Variants in NKX2-8 observed in about 807,000 individuals in gnomAD.
The protein encoded by NKX2-8 is homeobox protein Nkx-2.8.
In NKX2-8, 8 loss-of-function variants were observed where a neutral mutation model predicts 6.4. The ratio of observed to expected loss-of-function variants is 1.24; its 90% CI spans 0.73 to 2.24. NKX2-8 has a LOEUF of 2.24. Ranked by LOEUF, NKX2-8 falls within the 30% of genes most tolerant of loss-of-function variation. NKX2-8 has a pLI of 0.00. For synonymous variants in NKX2-8, 216 were observed against 171.5 expected, an observed-to-expected ratio of 1.26 and a Z score of -2.03; for missense variants, 406 against 351.1, an observed-to-expected ratio of 1.16 and a Z score of -1.25.
chr14:36,581,009 C>A lies in NKX2-8; in HGVS notation c.613G>T (p.Ala205Ser). ...GCAGGGTAGCCCGGCAGAGGGCAGG[C>A]GGCGGCTGGAGGGGCGCCGCACTTC... ...QEKCGAPPAA[A>S]CPLPGYPAFG... Residue 205 changes from alanine to serine, a missense_variant, in exon 2 of 2, where the codon GCC (alanine) becomes TCC (serine). Physicochemically the swap from Ala to Ser is moderately conservative, Grantham distance 99. Transcript: ENST00000258829. This position sits in a 1 kb window ranked among gnomAD's most constrained non-coding sequence, Gnocchi z 5.6. 7.4e-7 allele frequency: 1 copy of A among 1,347,864 alleles called. No homozygotes were observed. Among genetic ancestry groups the A allele is most frequent in the East Asian group, 2.9e-5 (1 of 34,112 alleles). 83.5% of individuals were successfully genotyped at this position (1,347,864 alleles called of 1,614,324 possible). A position where few individuals can be genotyped will look rare whatever the true frequency, so the allele number is the denominator to read the frequency against.
chr14:36,581,405 T>C lies in NKX2-8; in HGVS notation c.217A>G (p.Arg73Gly). 1.9e-6 allele frequency: 3 copies of C among 1,595,236 alleles called. No individual in the cohort carries two copies. Among genetic ancestry groups the C allele is most frequent in the Non-Finnish European group, 2.6e-6 (3 of 1,171,818 alleles). ...PPDSSQRPSA[R>G]PASPGSDAEK... ...GCGTCCGAGCCCGGAGACGCGGGCCTAGCGGACGGCCGCTGCGACGAGTCT... is the reference window on the plus strand; with the variant it reads ...GCGTCCGAGCCCGGAGACGCGGGCCCAGCGGACGGCCGCTGCGACGAGTCT... Residue 73 changes from arginine to glycine, a missense_variant, in exon 2 of 2, where the codon AGG (arginine) becomes GGG (glycine). Arg to Gly is a moderately radical substitution (Grantham distance 125). Coordinates refer to ENST00000258829, the MANE Select transcript of NKX2-8 (RefSeq NM_014360.4). This position sits in a 1 kb window ranked among gnomAD's most constrained non-coding sequence, Gnocchi z 5.6.
At position 36,581,583 on chromosome 14, in the gene NKX2-8, T is replaced by C; in HGVS notation, c.158-119A>G. 5.8e-6 allele frequency: 5 copies of C among 857,810 alleles called. No homozygotes were observed. The highest frequency in any genetic ancestry group is 8.8e-6 in the Non-Finnish European group (5 of 565,402). The allele number at this position is 857,810 out of a possible 1,614,324, so 53.1% of individuals were successfully genotyped here. On this transcript the variant is annotated intron_variant, in intron 1 of 1. Coordinates refer to ENST00000258829, the MANE Select transcript of NKX2-8 (RefSeq NM_014360.4). This position sits in a 1 kb window ranked among gnomAD's most constrained non-coding sequence, Gnocchi z 5.6. Reference sequence around the variant, plus strand: ...GGGCACGCCCACTAGCCCGAGACTTTCGGGATGAGGCCATTTCCTGAGTCC... The same window carrying C: ...GGGCACGCCCACTAGCCCGAGACTTCCGGGATGAGGCCATTTCCTGAGTCC...
Position 36,581,010 on chromosome 14 carries a change from G to A in NKX2-8, c.612C>T (p.Ala204=), listed in dbSNP as rs755985356. 2 of 1,346,824 alleles carry A rather than the reference G, an allele frequency of 1.5e-6. No homozygotes were observed. Among genetic ancestry groups the A allele is most frequent in the Non-Finnish European group, 1.9e-6 (2 of 1,057,846 alleles). 83.4% of individuals were successfully genotyped at this position (1,346,824 alleles called of 1,614,324 possible). ...AQEKCGAPPA[A]ACPLPGYPAF... The stretch of plus-strand genomic sequence containing the variant: ...CAGGGTAGCCCGGCAGAGGGCAGGC[G>A]GCGGCTGGAGGGGCGCCGCACTTCT... The change falls in exon 2 of 2, where the codon GCC becomes GCT. Residue 204 remains alanine (A), a synonymous_variant. Coordinates refer to ENST00000258829, the MANE Select transcript of NKX2-8 (RefSeq NM_014360.4). This position sits in a 1 kb window ranked among gnomAD's most constrained non-coding sequence, Gnocchi z 5.6.
In NKX2-8 at chr14:36,580,958, G is replaced by A; in HGVS notation, c.664C>T (p.Leu222Phe). ...PAFGPGSALG[L>F]FPAYQHLASP... is the part of the protein sequence containing the mutation. ...GCTAAGTGCTGGTAGGCGGGGAAGAGGCCAAGCGCCGAGCCGGGACCGAAG... is the reference window on the plus strand; with the variant it reads ...GCTAAGTGCTGGTAGGCGGGGAAGAAGCCAAGCGCCGAGCCGGGACCGAAG... Residue 222 changes from leucine (L) to phenylalanine (F), a missense_variant, in exon 2 of 2, where the codon CTC becomes TTC. Leu to Phe is a conservative substitution (Grantham distance 22). Coordinates refer to ENST00000258829, the MANE Select transcript of NKX2-8 (RefSeq NM_014360.4). 2 of 1,348,674 alleles carry A rather than the reference G, an allele frequency of 1.5e-6. No individual in the cohort carries two copies. The highest frequency in any genetic ancestry group is 1.9e-6 in the Non-Finnish European group (2 of 1,059,632). 83.5% of individuals were successfully genotyped at this position (1,348,674 alleles called of 1,614,324 possible). A position where few individuals can be genotyped will look rare whatever the true frequency, so the allele number is the denominator to read the frequency against.
chr14:36,581,539 C>A lies in NKX2-8; in HGVS notation c.158-75G>T. The stretch of plus-strand genomic sequence containing the variant: ...GGGCCTGCTGCCCTTCTGGCGCGGG[C>A]GTGGAGGCACTGGCCAGAGGGCACG... On this transcript the variant is annotated intron_variant, in intron 1 of 1. Transcript: ENST00000258829. The surrounding 1 kb of genome is among the most constrained non-coding windows in gnomAD (Gnocchi z 5.6). The A allele has an allele frequency of 7.4e-7, 1 of 1,353,736 alleles. No individual in the cohort carries two copies. Among genetic ancestry groups the A allele is most frequent in the Non-Finnish European group, 9.9e-7 (1 of 1,011,270 alleles). 83.9% of individuals were successfully genotyped at this position (1,353,736 alleles called of 1,614,324 possible). A position where few individuals can be genotyped will look rare whatever the true frequency, so the allele number is the denominator to read the frequency against.
Position 36,582,278 on chromosome 14 carries a change from C to A in NKX2-8, c.112G>T (p.Asp38Tyr). ...GAATCCAGCCAGGCGGCGCAGGGGT[C>A]GGGCTGGGGGGCGCGTGGTTCTGGC... ...REPEPRAPQP[D>Y]PCAAWLDSER... The change falls in exon 1 of 2, where the codon GAC becomes TAC. Residue 38 changes from aspartate (D) to tyrosine (Y), a missense_variant. Coordinates refer to ENST00000258829, the MANE Select transcript of NKX2-8 (RefSeq NM_014360.4). 6.2e-7 allele frequency: 1 copy of A among 1,608,454 alleles called. No homozygotes were observed. The highest frequency in any genetic ancestry group is 1.1e-5 in the South Asian group (1 of 90,486).
rs2139054088 is a variant in NKX2-8 at position 36,580,958 on chromosome 14, G to C, written c.664C>G (p.Leu222Val). 1 of 1,348,674 alleles carries C rather than the reference G, an allele frequency of 7.4e-7. No individual in the cohort carries two copies. The highest frequency in any genetic ancestry group is 2.2e-5 in the South Asian group (1 of 44,806). The allele number at this position is 1,348,674 out of a possible 1,614,324, so 83.5% of individuals were successfully genotyped here. A position where few individuals can be genotyped will look rare whatever the true frequency, so the allele number is the denominator to read the frequency against. ...PAFGPGSALG[L>V]FPAYQHLASP... ...GCTAAGTGCTGGTAGGCGGGGAAGA[G>C]GCCAAGCGCCGAGCCGGGACCGAAG... Residue 222 changes from leucine (L) to valine (V), a missense_variant, in exon 2 of 2, where the codon CTC (leucine) becomes GTC (valine). Coordinates refer to ENST00000258829, the MANE Select transcript of NKX2-8 (RefSeq NM_014360.4).
intron 1 of NKX2-8, 134 bp downstream of exon 1, chr14:36,582,099 C>T (rs998121675): frequency 1.0e-6 from 1 of 989,948 alleles, no homozygotes; most frequent in Non-Finnish European, 1.4e-6. Flanking sequence ...ACAGGGCTCC[C>T]GTTTCCAAGA....
At chr14:36,582,087 G>T in intron 1 of NKX2-8, 146 bp downstream of exon 1, 1 of 859,214 alleles carries the variant, frequency 1.2e-6, no homozygotes, top group Non-Finnish European at 1.7e-6. Flanking sequence ...AGGGGTTCGA[G>T]GACAGGGCTC....
rs1879279513 is a variant in NKX2-8 at position 36,582,459 on chromosome 14, A to G, written c.-70T>C. 1 of 1,401,404 alleles carries G rather than the reference A, an allele frequency of 7.1e-7. No individual in the cohort carries two copies. The highest frequency in any genetic ancestry group is 9.5e-7 in the Non-Finnish European group (1 of 1,057,300). 86.8% of individuals were successfully genotyped at this position (1,401,404 alleles called of 1,614,324 possible). On this transcript the variant is annotated 5_prime_UTR_variant, in exon 1 of 2. An upstream open reading frame in the 5' UTR loses its in-frame stop. Transcript: ENST00000258829. ...GAGGGGCGGCCGGGACGCCGCTCCT[A>G]CGGATGGGCGTGGGAGGCGCTCGCC...
At position 36,581,136 on chromosome 14, in the gene NKX2-8, C is replaced by T; in HGVS notation, c.486G>A (p.Ala162=). Residue 162 remains alanine, a synonymous_variant, in exon 2 of 2, where the codon GCG becomes GCA. Transcript: ENST00000258829. The surrounding 1 kb of genome is among the most constrained non-coding windows in gnomAD (Gnocchi z 5.6). ...DLAASAELHA[A]PGLLRRVVVP... Reference sequence around the variant, plus strand: ...CCACCACGCGACGCAGCAGGCCGGGCGCGGCGTGCAGCTCGGCGGATGCTG... The same window carrying T: ...CCACCACGCGACGCAGCAGGCCGGGTGCGGCGTGCAGCTCGGCGGATGCTG... The T allele has an allele frequency of 6.5e-7, 1 of 1,531,608 alleles. No individual in the cohort carries two copies. Among genetic ancestry groups the T allele is most frequent in the Middle Eastern group, 1.7e-4 (1 of 5,720 alleles). The allele number at this position is 1,531,608 out of a possible 1,614,324, so 94.9% of individuals were successfully genotyped here.
In NKX2-8 at chr14:36,581,019, A is replaced by G. The variant is rs1042519285; in HGVS notation, c.603T>C (p.Pro201=). The G allele has an allele frequency of 4.5e-6, 6 of 1,344,594 alleles. No individual in the cohort carries two copies. The highest frequency in any genetic ancestry group is 2.0e-5 in the South Asian group (1 of 49,776). 83.3% of individuals were successfully genotyped at this position (1,344,594 alleles called of 1,614,324 possible). Residue 201 remains proline, a synonymous_variant, in exon 2 of 2, where the codon CCT becomes CCC. Coordinates refer to ENST00000258829, the MANE Select transcript of NKX2-8 (RefSeq NM_014360.4). This position sits in a 1 kb window ranked among gnomAD's most constrained non-coding sequence, Gnocchi z 5.6. ...CCGGCAGAGGGCAGGCGGCGGCTGG[A>G]GGGGCGCCGCACTTCTCCTGGGCCG... ...TAAAQEKCGA[P]PAAACPLPGY...
At position 36,581,408 on chromosome 14, in the gene NKX2-8, C is replaced by A. The variant is rs1879235846; in HGVS notation, c.214G>T (p.Ala72Ser). Residue 72 changes from alanine to serine, a missense_variant, in exon 2 of 2, where the codon GCT becomes TCT. Coordinates refer to ENST00000258829, the MANE Select transcript of NKX2-8 (RefSeq NM_014360.4). The surrounding 1 kb of genome is among the most constrained non-coding windows in gnomAD (Gnocchi z 5.6). ...TCCGAGCCCGGAGACGCGGGCCTAGCGGACGGCCGCTGCGACGAGTCTGGC... is the reference window on the plus strand; with the variant it reads ...TCCGAGCCCGGAGACGCGGGCCTAGAGGACGGCCGCTGCGACGAGTCTGGC... Reference protein sequence around the residue: ...SPPDSSQRPSARPASPGSDAE... With the variant: ...SPPDSSQRPSSRPASPGSDAE... 1.3e-6 allele frequency: 2 copies of A among 1,592,886 alleles called. No individual in the cohort carries two copies. Among genetic ancestry groups the A allele is most frequent in the Non-Finnish European group, 1.7e-6 (2 of 1,170,730 alleles).
Position 36,581,280 on chromosome 14 carries a change from G to C in NKX2-8, c.342C>G (p.Arg114=). 6.2e-7 allele frequency: 1 copy of C among 1,601,496 alleles called. No homozygotes were observed. Among genetic ancestry groups the C allele is most frequent in the Non-Finnish European group, 8.5e-7 (1 of 1,174,938 alleles). The change falls in exon 2 of 2, where the codon CGC becomes CGG. Residue 114 remains arginine, a synonymous_variant. Coordinates refer to ENST00000258829, the MANE Select transcript of NKX2-8 (RefSeq NM_014360.4). This position sits in a 1 kb window ranked among gnomAD's most constrained non-coding sequence, Gnocchi z 5.6. ...RQQRYLSAPE[R]EQLASLLRLT... is the part of the protein sequence containing the mutation. ...GGCGAAGCAGGCTCGCCAGCTGCTC[G>C]CGCTCGGGCGCAGACAGGTACCGCT...
In NKX2-8 at chr14:36,582,452, C is replaced by T. The variant is rs571824004; in HGVS notation, c.-63G>A. 31 of 1,415,380 alleles carry T rather than the reference C, an allele frequency of 2.2e-5. No individual in the cohort carries two copies. The highest frequency in any genetic ancestry group is 2.0e-5 in the Non-Finnish European group (21 of 1,072,886). 87.7% of individuals were successfully genotyped at this position (1,415,380 alleles called of 1,614,324 possible). ...GGGAACGGAGGGGCGGCCGGGACGC[C>T]GCTCCTACGGATGGGCGTGGGAGGC... On this transcript the variant is annotated 5_prime_UTR_variant, in exon 1 of 2. Coordinates refer to ENST00000258829, the MANE Select transcript of NKX2-8 (RefSeq NM_014360.4).
Position 36,582,608 on chromosome 14 carries a change from G to T in NKX2-8, c.-219C>A. ...TCTCCAGGGTGTTAAGTACCTGAAT[G>T]AGCACTGGACCAGAGCCGGGGCGAG... is the stretch of plus-strand genomic sequence containing the variant. On this transcript the variant is annotated 5_prime_UTR_variant, in exon 1 of 2. Transcript: ENST00000258829. 4.6e-6 allele frequency: 2 copies of T among 430,414 alleles called. No homozygotes were observed. The highest frequency in any genetic ancestry group is 1.2e-4 in the South Asian group (2 of 16,822). 26.7% of individuals were successfully genotyped at this position (430,414 alleles called of 1,614,324 possible). A position where few individuals can be genotyped will look rare whatever the true frequency, so the allele number is the denominator to read the frequency against.
chr14:36,581,557 A>G lies in NKX2-8; in HGVS notation c.158-93T>C. ...GCGCGGGCGTGGAGGCACTGGCCAG[A>G]GGGCACGCCCACTAGCCCGAGACTT... On this transcript the variant is annotated intron_variant, in intron 1 of 1. Transcript: ENST00000258829. This position sits in a 1 kb window ranked among gnomAD's most constrained non-coding sequence, Gnocchi z 5.6. 8.7e-7 allele frequency: 1 copy of G among 1,149,358 alleles called. No individual in the cohort carries two copies. The highest frequency in any genetic ancestry group is 1.2e-6 in the Non-Finnish European group (1 of 828,144). The allele number at this position is 1,149,358 out of a possible 1,614,324, so 71.2% of individuals were successfully genotyped here. A position where few individuals can be genotyped will look rare whatever the true frequency, so the allele number is the denominator to read the frequency against.
rs1242044786 is a variant in NKX2-8, at chr14:36,581,989, AT to A, written c.157+243del. 1.3e-5 allele frequency among the ~76,000 whole-genome samples: 2 copies of A among 152,138 alleles called. No homozygotes were observed. The highest frequency in any genetic ancestry group is 3.9e-4 in the East Asian group (2 of 5,136). On this transcript the variant is annotated intron_variant, in intron 1 of 1. Coordinates refer to ENST00000258829, the MANE Select transcript of NKX2-8 (RefSeq NM_014360.4). This position sits in a 1 kb window ranked among gnomAD's most constrained non-coding sequence, Gnocchi z 5.6. ...ATTTCAATTATTCCGACCTCTAGAA[AT>A]CGTCAGACACAGAAACCCCAAATCT...
At chr14:36,582,099 C>G (rs998121675) in intron 1 of NKX2-8, 134 bp downstream of exon 1, 2 of 989,950 alleles carry the variant, frequency 2.0e-6, no homozygotes, top group African/African-American at 3.3e-5. Context: ...ACAGGGCTCC[C>G]GTTTCCAAGA....
Sources: gnomAD v4.1 joint callset for allele counts (sites outside exome capture counted in the v4.1 genomes callset) on GRCh38, gnomAD v4.1.1 for gene constraint, Gnocchi (gnomAD v3.1) non-coding constraint, MANE v1.5 for transcripts, NCBI Gene and HGNC (gene_info 2026-07-23, HGNC 2026-07-21) for gene names.